The following PAIP2B variants were observed in gnomAD, a reference collection of about 807,000 sequenced individuals.
The protein encoded by PAIP2B is poly(A) binding protein interacting protein 2B, also known as polyadenylate-binding protein-interacting protein 2B.
Under a neutral mutation model 17.0 loss-of-function variants are expected in PAIP2B, and 13 were observed. The ratio of observed to expected loss-of-function variants is 0.76; its 90% CI spans 0.50 to 1.22. PAIP2B has a LOEUF of 1.22. Among genes scored for constraint, PAIP2B ranks in the 50% most tolerant of loss-of-function variants. The pLI is 0.00. For synonymous variants in PAIP2B, 43 were observed against 48.7 expected (o/e 0.88, Z 0.48); for missense variants, 117 against 144.5 (o/e 0.81, Z 0.98).
At chr2:71,212,138 CCAA>C (rs1290655488) in intron 1 of PAIP2B, among the ~76,000 whole-genome samples, 2 of 152,210 alleles carry the variant, frequency 1.3e-5, no homozygotes, top group Non-Finnish European at 2.9e-5. Context: ...ACCTTTCTCA[CCAA>C]CAAGTGTCTC....
rs781505031 is a variant in PAIP2B at position 71,189,926 on chromosome 2, G to T, written c.234C>A (p.Asp78Glu). 1 of 1,601,596 alleles carries T rather than the reference G, an allele frequency of 6.2e-7. No homozygotes were observed. Among genetic ancestry groups the T allele is most frequent in the East Asian group, 2.2e-5 (1 of 44,526 alleles). Residue 78 changes from aspartate (D) to glutamate (E), a missense_variant, in exon 3 of 4, where the codon GAC (aspartate) becomes GAA (glutamate). By Grantham distance (45) the Asp-to-Glu change is conservative. Transcript: ENST00000244221. ...GCAACTGTCCCATGGCCTGAGGCAGGTCTCGTGAGGGAATAAACCAGTCTT... is the reference window on the plus strand; with the variant it reads ...GCAACTGTCCCATGGCCTGAGGCAGTTCTCGTGAGGGAATAAACCAGTCTT... Reference protein sequence around the residue: ...EDQDWFIPSRDLPQAMGQLQQ... With the variant: ...EDQDWFIPSRELPQAMGQLQQ...
chr2:71,187,340 C>T lies in PAIP2B; in HGVS notation c.*1139G>A, dbSNP rs1201712514. 1 of 152,164 alleles carries T rather than the reference C, an allele frequency of 6.6e-6. No individual in the cohort carries two copies. Among genetic ancestry groups the T allele is most frequent in the Non-Finnish European group, 1.5e-5 (1 of 68,040 alleles). The allele number at this position is 152,164 out of a possible 1,614,324, so 9.4% of individuals were successfully genotyped here. Reference sequence around the variant, plus strand: ...AATGTTTTAATAGCTGAAAAGATCCCAGAAGGTCAGGTACACAGTCACATG... The same window carrying T: ...AATGTTTTAATAGCTGAAAAGATCCTAGAAGGTCAGGTACACAGTCACATG... On this transcript the variant is annotated 3_prime_UTR_variant, in exon 4 of 4. Coordinates refer to ENST00000244221, the MANE Select transcript of PAIP2B (RefSeq NM_020459.1).
rs1208165870 is a variant in PAIP2B, at chr2:71,188,051, T to C, written c.*428A>G. On this transcript the variant is annotated 3_prime_UTR_variant, in exon 4 of 4. Coordinates refer to ENST00000244221, the MANE Select transcript of PAIP2B (RefSeq NM_020459.1). ...CTCTTTCTGCTTGTCCCTTTTCCCA[T>C]CCAACTCAATAGATTCCACAAAAAG... The C allele has an allele frequency of 1.9e-5, 3 of 159,580 alleles. No individual in the cohort carries two copies. The highest frequency in any genetic ancestry group is 7.2e-5 in the African/African-American group (3 of 41,494). The allele number at this position is 159,580 out of a possible 1,614,324, so 9.9% of individuals were successfully genotyped here. A position where few individuals can be genotyped will look rare whatever the true frequency, so the allele number is the denominator to read the frequency against.
At chr2:71,188,623 AG>A in intron 3 of PAIP2B, 88 bp from the exon 4 acceptor site, 1 of 1,098,504 alleles carries the variant, frequency 9.1e-7, no homozygotes, top group Non-Finnish European at 1.3e-6. Context: ...CCTTCCCCTT[AG>A]CTTTAGGGAG....
chr2:71,204,808 G>A (rs1483535312), intron 1 of PAIP2B, among the ~76,000 whole-genome samples: 1 of 152,190 alleles, frequency 6.6e-6, no homozygotes, highest in Admixed American at 6.5e-5. Context: ...TGCCCTGTAA[G>A]TAAGAGCACA....
intron 1 of PAIP2B, among the ~76,000 whole-genome samples, chr2:71,209,841 T>C (rs78805414): frequency 1.3e-5 from 2 of 152,102 alleles, no homozygotes; most frequent in South Asian, 2.1e-4. Flanking sequence ...TTTTTTTTTT[T>C]AAGATGGAGT....
chr2:71,185,728 A>C lies in PAIP2B; in HGVS notation c.*2751T>G, dbSNP rs892945453. 1 of 151,750 alleles carries C rather than the reference A, an allele frequency of 6.6e-6. No individual in the cohort carries two copies. The highest frequency in any genetic ancestry group is 1.5e-5 in the Non-Finnish European group (1 of 68,028). The allele number at this position is 151,750 out of a possible 1,614,324, so 9.4% of individuals were successfully genotyped here. On this transcript the variant is annotated 3_prime_UTR_variant, in exon 4 of 4. Coordinates refer to ENST00000244221, the MANE Select transcript of PAIP2B (RefSeq NM_020459.1). ...ATTATTGTCAGAAACTGGCCCAAAG[A>C]CCCAGGGCTGCATTTGCCCAGGCCT...
intron 1 of PAIP2B, among the ~76,000 whole-genome samples, chr2:71,203,476 G>T (rs368338090): frequency 2.0e-5 from 3 of 152,048 alleles, no homozygotes; most frequent in South Asian, 4.1e-4. Context: ...CACCAGTGGT[G>T]TGGAAGTGCC....
At chr2:71,193,124 C>A (rs357772) in intron 2 of PAIP2B, among the ~76,000 whole-genome samples, 63,790 of 151,840 alleles carry the variant, frequency 0.42, 14,484 homozygotes, top group East Asian at 0.88. Context: ...ACTTTTTAGT[C>A]ATAGCCATTC....
intron 1 of PAIP2B, among the ~76,000 whole-genome samples, chr2:71,217,631 T>C (rs916752625): frequency 2.0e-5 from 3 of 152,216 alleles, no homozygotes; most frequent in Admixed American, 6.5e-5. Context: ...TTGTGTTACC[T>C]GCAAAGATGC....
At chr2:71,198,802 G>A (rs1276839007) in intron 2 of PAIP2B, among the ~76,000 whole-genome samples, 3 of 152,162 alleles carry the variant, frequency 2.0e-5, no homozygotes, top group Admixed American at 1.3e-4. Flanking sequence ...ACTTGTGATT[G>A]CATTGTGAAA....
At position 71,202,518 on chromosome 2, in the gene PAIP2B, G is replaced by A. The variant is rs780219227; in HGVS notation, c.72C>T (p.His24=). The A allele has an allele frequency of 1.2e-5, 19 of 1,613,216 alleles. No homozygotes were observed. In the East Asian group the frequency reaches 1.3e-4, roughly 11 times the overall value. ...CTGCAAATGGGTTTTCCTTTTCATC[G>A]TGCCCACTTAACCCCTGGTCCTCTT... ...KSKEDQGLSG[H]DEKENPFAEY... is the part of the protein sequence containing the mutation. Residue 24 remains histidine, a synonymous_variant, in exon 2 of 4, where the codon CAC becomes CAT. Transcript: ENST00000244221.
rs1327556253 is a variant in PAIP2B at position 71,185,505 on chromosome 2, C to A, written c.*2974G>T. 1 of 150,236 alleles carries A rather than the reference C, an allele frequency of 6.7e-6. No homozygotes were observed. Among genetic ancestry groups the A allele is most frequent in the African/African-American group, 2.5e-5 (1 of 40,674 alleles). The allele number at this position is 150,236 out of a possible 1,614,324, so 9.3% of individuals were successfully genotyped here. A position where few individuals can be genotyped will look rare whatever the true frequency, so the allele number is the denominator to read the frequency against. On this transcript the variant is annotated 3_prime_UTR_variant, in exon 4 of 4. Coordinates refer to ENST00000244221, the MANE Select transcript of PAIP2B (RefSeq NM_020459.1). ...ATTGCTTGAGCCTAGGAATTTGATG[C>A]TGCAGTGAGCTATGGTCATACCACT... is the stretch of plus-strand genomic sequence containing the variant.
intron 2 of PAIP2B, among the ~76,000 whole-genome samples, chr2:71,198,019 G>C (rs1471383996): frequency 6.6e-6 from 1 of 152,194 alleles, no homozygotes; most frequent in Non-Finnish European, 1.5e-5. Flanking sequence ...CTCCCTTTCA[G>C]GGATGCCAGT....
At chr2:71,198,013 C>CTT (rs947105325) in intron 2 of PAIP2B, among the ~76,000 whole-genome samples, 33 of 152,254 alleles carry the variant, frequency 2.2e-4, no homozygotes, top group Non-Finnish European at 5.9e-5. Context: ...GTTCCCCTCC[C>CTT]TTTCAGGGAT....
At chr2:71,189,174 G>A (rs958895079) in intron 3 of PAIP2B, among the ~76,000 whole-genome samples, 2 of 151,942 alleles carry the variant, frequency 1.3e-5, no homozygotes, top group Admixed American at 1.3e-4. Flanking sequence ...CACCATGCCT[G>A]GCTAATTTTT....
intron 1 of PAIP2B, among the ~76,000 whole-genome samples, chr2:71,217,640 G>A (rs1046187028): frequency 9.2e-5 from 14 of 152,326 alleles, no homozygotes; most frequent in African/African-American, 2.6e-4. Flanking sequence ...CTGCAAAGAT[G>A]CAGAACTAAA....
intron 1 of PAIP2B, among the ~76,000 whole-genome samples, chr2:71,224,039 G>A (rs1675659846): frequency 6.6e-6 from 1 of 152,184 alleles, no homozygotes; most frequent in South Asian, 2.1e-4. Context: ...ACATAGTAGT[G>A]AAAAATATGT....
In PAIP2B at chr2:71,191,331, A is replaced by G. The variant is rs538437503; in HGVS notation, c.139-1310T>C. The stretch of plus-strand genomic sequence containing the variant: ...TAGACAGTTATGAAGTGCTTAATAA[A>G]ATATTCTCATGCCACAAGATGTAAC... On this transcript the variant is annotated intron_variant, in intron 2 of 3. Coordinates refer to ENST00000244221, the MANE Select transcript of PAIP2B (RefSeq NM_020459.1). Among the ~76,000 whole-genome samples the G allele has an allele frequency of 2.0e-5, 3 of 151,740 alleles. No individual in the cohort carries two copies. The South Asian group carries it at 6.3e-4, about 32-fold the overall frequency.
Sources: gnomAD v4.1 joint callset for allele counts (sites outside exome capture counted in the v4.1 genomes callset) on GRCh38, gnomAD v4.1.1 for gene constraint, MANE v1.5 for transcripts, NCBI Gene and HGNC (gene_info 2026-07-23, HGNC 2026-07-21) for gene names.